The following HDAC4 variants were observed in gnomAD, a reference collection of about 807,000 sequenced individuals.
The protein encoded by HDAC4 is histone deacetylase 4.
HDAC4 carries 16 observed loss-of-function variants against 135.1 expected under a neutral mutation model. The observed-to-expected ratio is 0.12, with a 90% CI of 0.08 to 0.18. HDAC4 has a LOEUF of 0.18. Ranked by LOEUF, HDAC4 falls within the 10% of genes least tolerant of loss-of-function variation. HDAC4 has a pLI of 1.00. For missense variants in HDAC4, 1,143 were observed against 1,511.8 expected, an observed-to-expected ratio of 0.76 and a Z score of 4.05; for synonymous variants, 685 against 653.4, an observed-to-expected ratio of 1.05 and a Z score of -0.74.
At chr2:239,075,941 C>G (rs1019119900) in intron 22 of HDAC4, among the ~76,000 whole-genome samples, 2 of 151,364 alleles carry the variant, frequency 1.3e-5, no homozygotes, top group Admixed American at 1.3e-4. Context: ...TGGGTTGGGA[C>G]AGCAGGCGGG....
chr2:239,397,112 G>T (rs951866822), intron 1 of HDAC4, among the ~76,000 whole-genome samples: 2 of 152,230 alleles, frequency 1.3e-5, no homozygotes, highest in African/African-American at 4.8e-5. Flanking sequence ...AACTAGAAAG[G>T]TATTCCAAAT....
chr2:239,069,379 G>A (rs2033914131), intron 22 of HDAC4, among the ~76,000 whole-genome samples: 1 of 105,630 alleles, frequency 9.5e-6, no homozygotes, highest in African/African-American at 3.5e-5. Context: ...AAGCCAGCAA[G>A]CCCCACGACA....
chr2:239,085,901 C>G (rs2035893394), intron 19 of HDAC4: 1 of 151,220 alleles, frequency 6.6e-6, no homozygotes, highest in South Asian at 2.1e-4. Flanking sequence ...CGTACAGTCT[C>G]CTCCCTGTAC....
rs183566352 is a variant in HDAC4 at position 239,249,647 on chromosome 2, T to C, written c.23-12983A>G. On this transcript the variant is annotated intron_variant, in intron 2 of 26. Coordinates refer to ENST00000543185, the MANE Select transcript of HDAC4 (RefSeq NM_001378414.1). ...TGGTTCAAAATTCAAGTTCTCCATATTCTACAACAACATGTATTTCAGCAG... is the reference window on the plus strand; with the variant it reads ...TGGTTCAAAATTCAAGTTCTCCATACTCTACAACAACATGTATTTCAGCAG... 6.6e-5 allele frequency among the ~76,000 whole-genome samples: 10 copies of C among 152,252 alleles called. No homozygotes were observed. In the East Asian group the frequency reaches 1.7e-3, roughly 26 times the overall value.
chr2:239,163,127 C>T (rs1228533179), intron 6 of HDAC4, among the ~76,000 whole-genome samples: 1 of 152,132 alleles, frequency 6.6e-6, no homozygotes, highest in Non-Finnish European at 1.5e-5. Context: ...GGTCGGCTCT[C>T]TTCAGTCCTC....
At chr2:239,130,239 C>T (rs1286976345) in intron 11 of HDAC4, among the ~76,000 whole-genome samples, 2 of 152,198 alleles carry the variant, frequency 1.3e-5, no homozygotes, top group Admixed American at 1.3e-4. Flanking sequence ...GGAGCTGAGG[C>T]CAGGCCAGGG....
intron 3 of HDAC4, among the ~76,000 whole-genome samples, chr2:239,206,990 G>A (rs1432082655): frequency 6.6e-6 from 1 of 152,200 alleles, no homozygotes; most frequent in East Asian, 1.9e-4. Context: ...AAGACTGAGA[G>A]GCTGGGGATG....
chr2:239,073,320 G>C (rs1372830916), intron 22 of HDAC4, among the ~76,000 whole-genome samples: 1 of 152,206 alleles, frequency 6.6e-6, no homozygotes, highest in African/African-American at 2.4e-5. Context: ...TGTGCCCCGA[G>C]GGCCATCGTT....
At chr2:239,126,756 G>C in intron 11 of HDAC4, 62 bp from the exon 12 acceptor site, 54 of 1,475,554 alleles carry the variant, frequency 3.7e-5, no homozygotes, top group Non-Finnish European at 4.6e-5. Flanking sequence ...AGGGAGAGAG[G>C]GCTATTGAGT....
rs1696943474 is a variant in HDAC4, at chr2:239,400,878, G to GGTGCGCGGGCTC, written c.-220+88_-220+99dup. On this transcript the variant is annotated intron_variant, in intron 1 of 26. Coordinates refer to ENST00000543185, the MANE Select transcript of HDAC4 (RefSeq NM_001378414.1). This position sits in a 1 kb window ranked among gnomAD's most constrained non-coding sequence, Gnocchi z 4.7. ...GGCGGCGGCGGCGGCGGCGCGGGCG[G>GGTGCGCGGGCTC]GTGCGCGGGCTCGGGCTCGGGCTCG... 6.8e-6 allele frequency: 1 copy of GGTGCGCGGGCTC among 146,576 alleles called. No individual in the cohort carries two copies. Among genetic ancestry groups the GGTGCGCGGGCTC allele is most frequent in the Admixed American group, 6.8e-5 (1 of 14,676 alleles). 9.1% of individuals were successfully genotyped at this position (146,576 alleles called of 1,614,324 possible). A position where few individuals can be genotyped will look rare whatever the true frequency, so the allele number is the denominator to read the frequency against.
intron 1 of HDAC4, among the ~76,000 whole-genome samples, chr2:239,360,756 C>G (rs899555968): frequency 3.3e-5 from 5 of 152,252 alleles, no homozygotes; most frequent in Non-Finnish European, 7.3e-5. Flanking sequence ...CCGAGCTCCA[C>G]CTGGCCCCAG....
chr2:239,295,212 C>G (rs1399955669), intron 2 of HDAC4, among the ~76,000 whole-genome samples: 1 of 141,336 alleles, frequency 7.1e-6, no homozygotes, highest in African/African-American at 2.6e-5. Context: ...GAGGCTGAGG[C>G]AGGAGAATGG....
intron 3 of HDAC4, among the ~76,000 whole-genome samples, chr2:239,217,215 G>A (rs2046691584): frequency 6.6e-6 from 1 of 152,184 alleles, no homozygotes; most frequent in Non-Finnish European, 1.5e-5. Flanking sequence ...GGAGCCGGCA[G>A]CATCGCTCCC....
At chr2:239,342,834 G>A (rs530458833) in intron 2 of HDAC4, among the ~76,000 whole-genome samples, 2 of 143,622 alleles carry the variant, frequency 1.4e-5, no homozygotes, top group South Asian at 2.4e-4. Context: ...CCAAGAGCCC[G>A]CAGGCCCAGC....
chr2:239,358,146 A>C (rs1275858223), intron 1 of HDAC4, among the ~76,000 whole-genome samples: 1 of 152,162 alleles, frequency 6.6e-6, no homozygotes, highest in African/African-American at 2.4e-5. Context: ...ATGTTTGCCT[A>C]GTGGTGACAT....
rs145703550 is a variant in HDAC4 at position 239,071,146 on chromosome 2, G to A, written c.2751-2539C>T. 8.3e-3 allele frequency among the ~76,000 whole-genome samples: 1,256 copies of A among 152,182 alleles called. 9 individuals carry two copies. The highest frequency in any genetic ancestry group is 0.054 in the Middle Eastern group (16 of 294). ...CGGCGGAGGGAGGGGTGCTGGGCAC[G>A]GTGGCTCACGCCAGTAATCCCAGCA... On this transcript the variant is annotated intron_variant, in intron 22 of 26. Coordinates refer to ENST00000543185, the MANE Select transcript of HDAC4 (RefSeq NM_001378414.1).
intron 3 of HDAC4, 48 bp downstream of exon 3, chr2:239,236,545 T>C: frequency 6.9e-7 from 1 of 1,448,752 alleles, no homozygotes; most frequent in Non-Finnish European, 9.5e-7. Flanking sequence ...AACACCTCTT[T>C]GGCTCAGCGC....
At chr2:239,094,481 T>C (rs2291188) in intron 17 of HDAC4, 207,146 of 1,004,522 alleles carry the variant, frequency 0.21, 22,273 homozygotes, top group East Asian at 0.29. Flanking sequence ...TCGTAGAAGC[T>C]GGCACAGACC....
At chr2:239,259,556 A>G (rs2049232078) in intron 2 of HDAC4, among the ~76,000 whole-genome samples, 1 of 152,274 alleles carries the variant, frequency 6.6e-6, no homozygotes, top group African/African-American at 2.4e-5. Context: ...TCTGGGAAGC[A>G]GCGAAAGCCA....
Sources: gnomAD v4.1 joint callset for allele counts (sites outside exome capture counted in the v4.1 genomes callset) on GRCh38, gnomAD v4.1.1 for gene constraint, Gnocchi (gnomAD v3.1) non-coding constraint, MANE v1.5 for transcripts, NCBI Gene and HGNC (gene_info 2026-07-23, HGNC 2026-07-21) for gene names.